The following SIGLEC15 variants were observed in gnomAD, a reference collection of about 807,000 sequenced individuals.
SIGLEC15 encodes sialic acid binding Ig like lectin 15.
A neutral mutation model predicts 26.2 loss-of-function variants in SIGLEC15; 31 were observed. That is an observed-to-expected ratio of 1.18 (90% confidence interval 0.89 to 1.60). SIGLEC15 has a LOEUF of 1.60. Among genes scored for constraint, SIGLEC15 ranks in the 40% most tolerant of loss-of-function variants. SIGLEC15 has a pLI of 0.00. For synonymous variants in SIGLEC15, 207 were observed against 221.9 expected (o/e 0.93, Z 0.60); for missense variants, 501 against 488.4 (o/e 1.03, Z -0.24).
chr18:45,837,777 C>A lies in SIGLEC15; in HGVS notation c.377C>A (p.Ser126Ter), dbSNP rs761015642. 6.6e-6 allele frequency: 10 copies of A among 1,524,068 alleles called. No individual in the cohort carries two copies. Among genetic ancestry groups the A allele is most frequent in the Admixed American group, 1.9e-5 (1 of 51,952 alleles). 94.4% of individuals were successfully genotyped at this position (1,524,068 alleles called of 1,614,324 possible). A position where few individuals can be genotyped will look rare whatever the true frequency, so the allele number is the denominator to read the frequency against. ...GGCAACCCGCGCCGCAACGACCTCT[C>A]GCTGCGCGTCGAGCGCCTCGCCCTG... ...LLGNPRRNDL[S>*]LRVERLALAD... Residue 126 changes from serine to a stop codon, truncating the protein, a stop_gained, in exon 3 of 6, where the codon TCG (serine) becomes TAG (stop). Coordinates refer to ENST00000389474, the MANE Select transcript of SIGLEC15 (RefSeq NM_213602.3). LOFTEE classifies it high-confidence loss of function.
At chr18:45,837,464 C>T in intron 2 of SIGLEC15, 49 bp from the exon 3 acceptor site, 2 of 1,424,350 alleles carry the variant, frequency 1.4e-6, no homozygotes, top group Non-Finnish European at 1.8e-6. Context: ...CGGGTGCGGG[C>T]GCCTCGACCC....
At chr18:45,826,338 G>A (rs2048184953) in intron 1 of SIGLEC15, among the ~76,000 whole-genome samples, 1 of 152,118 alleles carries the variant, frequency 6.6e-6, no homozygotes, top group Admixed American at 6.5e-5. Context: ...ACTTAGCTCG[G>A]TGACTTGGTA....
At position 45,837,763 on chromosome 18, in the gene SIGLEC15, C is replaced by T; in HGVS notation, c.363C>T (p.Arg121=). Residue 121 remains arginine (R), a synonymous_variant, in exon 3 of 6, where the codon CGC becomes CGT. Transcript: ENST00000389474. ...GCTTCCGGCTGCTGGGCAACCCGCG[C>T]CGCAACGACCTCTCGCTGCGCGTCG... ...HGRFRLLGNP[R]RNDLSLRVER... The T allele has an allele frequency of 1.3e-6, 2 of 1,521,102 alleles. No homozygotes were observed. Among genetic ancestry groups the T allele is most frequent in the Non-Finnish European group, 1.7e-6 (2 of 1,142,970 alleles). 94.2% of individuals were successfully genotyped at this position (1,521,102 alleles called of 1,614,324 possible).
chr18:45,829,176 C>A, intron 1 of SIGLEC15: 1 of 984,912 alleles, frequency 1.0e-6, no homozygotes. Flanking sequence ...GCCTCTCCAT[C>A]AGCTCAGGTA....
chr18:45,841,877 T>G (rs900880437), intron 5 of SIGLEC15, among the ~76,000 whole-genome samples: 3 of 152,140 alleles, frequency 2.0e-5, no homozygotes, highest in Non-Finnish European at 2.9e-5. Flanking sequence ...TCTTGAGGCC[T>G]CAGACAGAGA....
chr18:45,842,023 T>C (rs542287870), intron 5 of SIGLEC15, 83 bp from the exon 6 acceptor site: 2 of 1,264,494 alleles, frequency 1.6e-6, no homozygotes, highest in Admixed American at 1.7e-5. Context: ...TCTCCTCTTC[T>C]TGGCCCACTG....
At position 45,837,696 on chromosome 18, in the gene SIGLEC15, G is replaced by T. The variant is rs533118109; in HGVS notation, c.296G>T (p.Arg99Leu). ...CAGGTGTTCCGCTGCGCTGCGGCGC[G>T]GGGCAGCGAGCTCTGCCAGACGGCG... ...GPQVFRCAAA[R>L]GSELCQTALS... Residue 99 changes from arginine to leucine, a missense_variant, in exon 3 of 6, where the codon CGG (arginine) becomes CTG (leucine). Transcript: ENST00000389474. The T allele has an allele frequency of 4.1e-6, 6 of 1,476,046 alleles. No individual in the cohort carries two copies. The South Asian group carries it at 6.6e-5, about 16-fold the overall frequency. The allele number at this position is 1,476,046 out of a possible 1,614,324, so 91.4% of individuals were successfully genotyped here.
intron 1 of SIGLEC15, among the ~76,000 whole-genome samples, chr18:45,826,502 C>T (rs1374208129): frequency 1.3e-5 from 2 of 152,174 alleles, no homozygotes; most frequent in African/African-American, 4.8e-5. Context: ...TCTGCATTTT[C>T]ACCACCTTCT....
rs748454856 is a variant in SIGLEC15 at position 45,842,423 on chromosome 18, CTGTG to C, written c.*253_*256del. On this transcript the variant is annotated 3_prime_UTR_variant, in exon 6 of 6. Transcript: ENST00000389474. The stretch of plus-strand genomic sequence containing the variant: ...CAGCATTTCGTAAATGTGCATACGT[CTGTG>C]TGTGTGTGTGTGTGTGAGAGAGAGA... 535 of 446,676 alleles carry C rather than the reference CTGTG, an allele frequency of 1.2e-3. No individual in the cohort carries two copies. Among genetic ancestry groups the C allele is most frequent in the Middle Eastern group, 1.9e-3 (3 of 1,584 alleles). The allele number at this position is 446,676 out of a possible 1,614,324, so 27.7% of individuals were successfully genotyped here.
In SIGLEC15 at chr18:45,838,812, C is replaced by G; in HGVS notation, c.591C>G (p.Leu197=). The G allele has an allele frequency of 6.4e-7, 1 of 1,559,306 alleles. No individual in the cohort carries two copies. Among genetic ancestry groups the G allele is most frequent in the Non-Finnish European group, 8.6e-7 (1 of 1,159,198 alleles). The part of the protein sequence containing the change: ...CTAEGEPPPA[L]AWSGPALGNS... ...CCGAAGGGGAGCCGCCGCCCGCCCT[C>G]GCCTGGTCCGGCCCGGCCCTGGGCA... is the stretch of plus-strand genomic sequence containing the variant. The change falls in exon 4 of 6, where the codon CTC becomes CTG. Residue 197 remains leucine (L), a synonymous_variant. Transcript: ENST00000389474.
intron 1 of SIGLEC15, among the ~76,000 whole-genome samples, chr18:45,833,056 C>T (rs1336628236): frequency 6.6e-6 from 1 of 152,120 alleles, no homozygotes; most frequent in Non-Finnish European, 1.5e-5. Context: ...CAAAGCCCAC[C>T]CAGGGAGGGA....
intron 4 of SIGLEC15, among the ~76,000 whole-genome samples, chr18:45,840,010 A>G (rs1009421645): frequency 1.3e-5 from 2 of 151,926 alleles, no homozygotes; most frequent in Non-Finnish European, 2.9e-5. Flanking sequence ...TTTTTACTGG[A>G]TTGCTCCTCA....
intron 4 of SIGLEC15, 34 bp downstream of exon 4, chr18:45,839,129 G>A: frequency 1.5e-6 from 2 of 1,358,854 alleles, no homozygotes; most frequent in Non-Finnish European, 9.4e-7. Flanking sequence ...GGCCGCGAGG[G>A]GCCGGGCCGG....
chr18:45,836,191 C>A (rs865814166), intron 1 of SIGLEC15, among the ~76,000 whole-genome samples: 25 of 152,112 alleles, frequency 1.6e-4, no homozygotes, highest in African/African-American at 6.0e-4. Flanking sequence ...GGCTTGGGGT[C>A]AGAAAAGTCA....
At chr18:45,837,948 G>C in intron 3 of SIGLEC15, 52 bp downstream of exon 3, 3 of 1,428,512 alleles carry the variant, frequency 2.1e-6, no homozygotes, top group Non-Finnish European at 2.7e-6. Flanking sequence ...CCTCCCGCCT[G>C]CCCCGCCCCA....
chr18:45,840,368 C>A, intron 5 of SIGLEC15, 127 bp downstream of exon 5: 1 of 1,075,650 alleles, frequency 9.3e-7, no homozygotes, highest in South Asian at 1.7e-5. Flanking sequence ...TGACCAGGGG[C>A]TGGGCCTTCC....
rs201721171 is a variant in SIGLEC15, at chr18:45,842,438, T to TGAGA, written c.*252_*253insAGAG. 67 of 496,786 alleles carry TGAGA rather than the reference T, an allele frequency of 1.3e-4. No individual in the cohort carries two copies. Among genetic ancestry groups the TGAGA allele is most frequent in the Admixed American group, 5.7e-4 (16 of 27,926 alleles). 30.8% of individuals were successfully genotyped at this position (496,786 alleles called of 1,614,324 possible). A position where few individuals can be genotyped will look rare whatever the true frequency, so the allele number is the denominator to read the frequency against. ...GTGCATACGTCTGTGTGTGTGTGTG[T>TGAGA]GTGTGAGAGAGAGAGAGAGAGAGTA... On this transcript the variant is annotated 3_prime_UTR_variant, in exon 6 of 6. Coordinates refer to ENST00000389474, the MANE Select transcript of SIGLEC15 (RefSeq NM_213602.3).
chr18:45,842,148 G>C lies in SIGLEC15; in HGVS notation c.948G>C (p.Met316Ile). 1.2e-6 allele frequency: 2 copies of C among 1,614,194 alleles called. No homozygotes were observed. Among genetic ancestry groups the C allele is most frequent in the African/African-American group, 2.7e-5 (2 of 75,048 alleles). The change falls in exon 6 of 6, where the codon ATG becomes ATC. Residue 316 changes from methionine to isoleucine, a missense_variant. Coordinates refer to ENST00000389474, the MANE Select transcript of SIGLEC15 (RefSeq NM_213602.3). ...QESNYENLSQ[M>I]NPRSPPATMC... ...CCAATTATGAAAATTTGAGCCAGATGAACCCCCGGAGCCCACCAGCCACCA... is the reference window on the plus strand; with the variant it reads ...CCAATTATGAAAATTTGAGCCAGATCAACCCCCGGAGCCCACCAGCCACCA...
chr18:45,830,390 T>C lies in SIGLEC15; in HGVS notation c.52+4610T>C, dbSNP rs566872222. ...CTCCCTAGTGGGATCATGATTGCAATGATGTGAGAGCTAATGCCCGATGCG... is the reference window on the plus strand; with the variant it reads ...CTCCCTAGTGGGATCATGATTGCAACGATGTGAGAGCTAATGCCCGATGCG... On this transcript the variant is annotated intron_variant, in intron 1 of 5. Transcript: ENST00000389474. Among the ~76,000 whole-genome samples the C allele has an allele frequency of 1.8e-3, 275 of 152,242 alleles. 2 individuals carry two copies. The highest frequency in any genetic ancestry group is 7.8e-4 in the Non-Finnish European group (53 of 68,008).
Sources: gnomAD v4.1 joint callset for allele counts (sites outside exome capture counted in the v4.1 genomes callset) on GRCh38, gnomAD v4.1.1 for gene constraint, MANE v1.5 for transcripts, NCBI Gene and HGNC (gene_info 2026-07-23, HGNC 2026-07-21) for gene names.